DLG2: variants seen among roughly 807,000 people sequenced by gnomAD.
DLG2 encodes the protein disks large homolog 2.
In DLG2, 45 loss-of-function variants were observed where a neutral mutation model predicts 132.5. The ratio of observed to expected loss-of-function variants is 0.34; its 90% CI spans 0.27 to 0.44. The LOEUF (loss-of-function observed/expected upper bound fraction) is 0.44, where lower values mean the gene tolerates loss of function less well. Among genes scored for constraint, DLG2 ranks in the 20% least tolerant of loss-of-function variants. DLG2 has a pLI of 1.00. For missense variants in DLG2, 1,045 were observed against 1,196.9 expected, an observed-to-expected ratio of 0.87 and a Z score of 1.87; for synonymous variants, 424 against 419.6, an observed-to-expected ratio of 1.01 and a Z score of -0.13.
At chr11:85,430,355 A>T (rs925256604) in intron 3 of DLG2, among the ~76,000 whole-genome samples, 1 of 151,826 alleles carries the variant, frequency 6.6e-6, no homozygotes, top group Non-Finnish European at 1.5e-5. Flanking sequence ...AGTATAATAA[A>T]AAAAAAGAAA....
chr11:83,748,611 T>G (rs2093082958), intron 18 of DLG2, among the ~76,000 whole-genome samples: 1 of 152,164 alleles, frequency 6.6e-6, no homozygotes, highest in South Asian at 2.1e-4. Flanking sequence ...GAAACATGAC[T>G]CTGCCTGAGG....
intron 3 of DLG2, among the ~76,000 whole-genome samples, chr11:85,516,982 A>G (rs1386936752): frequency 1.3e-5 from 2 of 152,040 alleles, no homozygotes; most frequent in Non-Finnish European, 2.9e-5. Context: ...AAAAGGAAAA[A>G]CTACAGACCA....
chr11:84,739,818 A>C (rs1036691900), intron 6 of DLG2, among the ~76,000 whole-genome samples: 1 of 152,148 alleles, frequency 6.6e-6, no homozygotes, highest in Non-Finnish European at 1.5e-5. Flanking sequence ...TCTCACCTCT[A>C]TGGGCATTGA....
chr11:84,923,132 G>GAGCA, intron 6 of DLG2: 6 of 1,613,746 alleles, frequency 3.7e-6, no homozygotes, highest in Non-Finnish European at 3.4e-6. Flanking sequence ...AGTAAATAAG[G>GAGCA]AGCATATGGA....
intron 7 of DLG2, among the ~76,000 whole-genome samples, chr11:84,342,528 G>A (rs1433113929): frequency 6.6e-6 from 1 of 152,102 alleles, no homozygotes; most frequent in Non-Finnish European, 1.5e-5. Context: ...CTGTTGAAAT[G>A]GCACAATAAT....
At chr11:84,823,826 C>T (rs1406230389) in intron 6 of DLG2, among the ~76,000 whole-genome samples, 2 of 151,676 alleles carry the variant, frequency 1.3e-5, no homozygotes, top group Non-Finnish European at 2.9e-5. Flanking sequence ...ATGATATTTG[C>T]TGAATGAATA....
intron 3 of DLG2, among the ~76,000 whole-genome samples, chr11:85,540,293 C>T (rs192823412): frequency 6.6e-6 from 1 of 152,300 alleles, no homozygotes; most frequent in East Asian, 1.9e-4. Context: ...CATAAAAACC[C>T]CAAGACCCTA....
At chr11:85,422,665 A>C (rs932335900) in intron 3 of DLG2, among the ~76,000 whole-genome samples, 9 of 151,616 alleles carry the variant, frequency 5.9e-5, no homozygotes, top group African/African-American at 2.2e-4. Flanking sequence ...TGATTTTTGT[A>C]TTTTTAGTAG....
rs960945404 is a variant in DLG2, at chr11:83,731,451, T to C, written c.1825+55239A>G. ...TGGCTTCCAGCTTCATCCATGTCCCTGCAAAGAACATGATTTCATTCCTTT... is the reference window on the plus strand; with the variant it reads ...TGGCTTCCAGCTTCATCCATGTCCCCGCAAAGAACATGATTTCATTCCTTT... On this transcript the variant is annotated intron_variant, in intron 18 of 27. Transcript: ENST00000376104. Among the ~76,000 whole-genome samples the C allele has an allele frequency of 3.3e-5, 5 of 152,222 alleles. 1 individual carries two copies. The highest frequency in any genetic ancestry group is 3.3e-4 in the Admixed American group (5 of 15,278).
intron 7 of DLG2, among the ~76,000 whole-genome samples, chr11:84,527,893 T>TTCTCTCTCTCTCTC (rs60170305): frequency 1.9e-4 from 24 of 125,666 alleles, no homozygotes; most frequent in East Asian, 5.1e-4. Context: ...CTCCCTCCCT[T>TTCTCTCTCTCTCTC]TCTCTCTCTC....
chr11:83,896,243 A>T (rs1483391), intron 15 of DLG2, among the ~76,000 whole-genome samples: 11,190 of 152,290 alleles, frequency 0.073, 536 homozygotes, highest in African/African-American at 0.13. Context: ...CTCTGCTCCA[A>T]TAAACTTATA....
chr11:84,744,222 T>C (rs529156927), intron 6 of DLG2, among the ~76,000 whole-genome samples: 4 of 152,288 alleles, frequency 2.6e-5, no homozygotes, highest in East Asian at 1.9e-4. Context: ...ACTAAATATA[T>C]TGAATAATGA....
intron 7 of DLG2, among the ~76,000 whole-genome samples, chr11:84,355,282 G>T (rs141200802): frequency 1.3e-5 from 2 of 152,028 alleles, no homozygotes; most frequent in Non-Finnish European, 2.9e-5. Flanking sequence ...ACGGACATCC[G>T]CTATTGCTGT....
intron 3 of DLG2, among the ~76,000 whole-genome samples, chr11:85,493,522 T>G (rs1469704258): frequency 1.3e-5 from 2 of 152,078 alleles, no homozygotes; most frequent in Non-Finnish European, 2.9e-5. Context: ...GAAATTTAGC[T>G]GGGTTCACTG....
At position 84,119,320 on chromosome 11, in the gene DLG2, T is replaced by G. The variant is rs142510536; in HGVS notation, c.625-20273A>C. On this transcript the variant is annotated intron_variant, in intron 9 of 27. Coordinates refer to ENST00000376104, the MANE Select transcript of DLG2 (RefSeq NM_001142699.3). ...GGTAGTAAATCTGCCTGAGGACATA[T>G]TGCTCTCATCCTAGGATGAGTCCAA... 3.2e-3 allele frequency among the ~76,000 whole-genome samples: 490 copies of G among 152,140 alleles called. 1 individual carries two copies. The highest frequency in any genetic ancestry group is 5.6e-3 in the Non-Finnish European group (381 of 67,984).
Position 85,458,432 on chromosome 11 carries a change from G to A in DLG2, c.40+140225C>T, listed in dbSNP as rs112768357. ...TATCCATATTCTGAATTCTATTTCT[G>A]TCATTTCAGCCATTTCAGTCTGGTT... is the stretch of plus-strand genomic sequence containing the variant. On this transcript the variant is annotated intron_variant, in intron 3 of 27. Transcript: ENST00000376104. 9.8e-3 allele frequency among the ~76,000 whole-genome samples: 1,488 copies of A among 152,060 alleles called. 21 individuals carry two copies. Among genetic ancestry groups the A allele is most frequent in the African/African-American group, 0.034 (1,394 of 41,472 alleles).
At chr11:84,965,751 A>G (rs1479919508) in intron 6 of DLG2, among the ~76,000 whole-genome samples, 1 of 152,070 alleles carries the variant, frequency 6.6e-6, no homozygotes, top group Non-Finnish European at 1.5e-5. Flanking sequence ...AGGTAAGGAA[A>G]ATATGCTAAG....
intron 5 of DLG2, among the ~76,000 whole-genome samples, chr11:85,149,239 T>C (rs1466814455): frequency 1.3e-5 from 2 of 152,218 alleles, no homozygotes; most frequent in African/African-American, 4.8e-5. Flanking sequence ...TGGGCTTTTT[T>C]TGGTTCCATA....
At chr11:85,316,895 G>A (rs1431869463) in intron 3 of DLG2, among the ~76,000 whole-genome samples, 1 of 151,860 alleles carries the variant, frequency 6.6e-6, no homozygotes, top group East Asian at 1.9e-4. Context: ...AGTCTTATGG[G>A]AGACACAAAA....
Sources: gnomAD v4.1 joint callset for allele counts (sites outside exome capture counted in the v4.1 genomes callset) on GRCh38, gnomAD v4.1.1 for gene constraint, MANE v1.5 for transcripts, NCBI Gene and HGNC (gene_info 2026-07-23, HGNC 2026-07-21) for gene names.